Variants in SUCLG2 observed in about 807,000 individuals in gnomAD.
SUCLG2 encodes the protein succinate-CoA ligase GDP-forming subunit beta, also known as succinate--CoA ligase [GDP-forming] subunit beta, mitochondrial.
Under a neutral mutation model 47.9 loss-of-function variants are expected in SUCLG2, and 42 were observed. That is an observed-to-expected ratio of 0.88 (90% CI 0.69 to 1.14). The LOEUF (loss-of-function observed/expected upper bound fraction) is 1.14, where lower values mean the gene tolerates loss of function less well. Among genes scored for constraint, SUCLG2 ranks in the 50% most tolerant of loss-of-function variants. SUCLG2 has a pLI of 0.00. For synonymous variants in SUCLG2, 195 were observed against 197.3 expected, an observed-to-expected ratio of 0.99 and a Z score of 0.10; for missense variants, 571 against 525.9, an observed-to-expected ratio of 1.09 and a Z score of -0.84.
At chr3:67,650,423 A>C (rs1250608923) in intron 1 of SUCLG2, among the ~76,000 whole-genome samples, 1 of 152,208 alleles carries the variant, frequency 6.6e-6, no homozygotes, top group Non-Finnish European at 1.5e-5. Flanking sequence ...CCTGGACAGA[A>C]GCTCTGGGCT....
At chr3:67,500,406 C>T (rs545496722) in intron 7 of SUCLG2, among the ~76,000 whole-genome samples, 2 of 152,226 alleles carry the variant, frequency 1.3e-5, no homozygotes, top group East Asian at 1.9e-4. Context: ...TAGCACTGAG[C>T]GACAAGAGAG....
intron 2 of SUCLG2, among the ~76,000 whole-genome samples, chr3:67,558,977 A>G (rs573565040): frequency 6.6e-6 from 1 of 152,356 alleles, no homozygotes; most frequent in South Asian, 2.1e-4. Flanking sequence ...GTGACAAAAA[A>G]TAAAAATCCT....
intron 9 of SUCLG2, among the ~76,000 whole-genome samples, chr3:67,457,048 T>C (rs1056818529): frequency 6.6e-6 from 1 of 152,206 alleles, no homozygotes; most frequent in Non-Finnish European, 1.5e-5. Flanking sequence ...CATCATATAA[T>C]AACATTGTAT....
intron 10 of SUCLG2, among the ~76,000 whole-genome samples, chr3:67,378,827 T>A (rs1162649693): frequency 6.6e-6 from 1 of 152,238 alleles, no homozygotes; most frequent in East Asian, 1.9e-4. Context: ...GATAGCAGGC[T>A]AAGGAATTTA....
chr3:67,404,695 T>C (rs565325091), intron 9 of SUCLG2, among the ~76,000 whole-genome samples: 72 of 152,254 alleles, frequency 4.7e-4, no homozygotes, highest in African/African-American at 1.6e-3. Flanking sequence ...GCTGCAGTCA[T>C]GCACTTTAAT....
At chr3:67,461,769 T>C (rs75019771) in intron 9 of SUCLG2, among the ~76,000 whole-genome samples, 1 of 152,006 alleles carries the variant, frequency 6.6e-6, no homozygotes, top group Middle Eastern at 3.4e-3. Context: ...CCCTGGGAGG[T>C]AGCATGGCCC....
At chr3:67,475,412 G>C (rs527705700) in intron 9 of SUCLG2, among the ~76,000 whole-genome samples, 2 of 152,154 alleles carry the variant, frequency 1.3e-5, no homozygotes, top group Non-Finnish European at 2.9e-5. Flanking sequence ...GATTAAAGGC[G>C]AATCTGTCAC....
chr3:67,627,985 G>C (rs948340633), intron 1 of SUCLG2, among the ~76,000 whole-genome samples: 2 of 152,180 alleles, frequency 1.3e-5, no homozygotes, highest in South Asian at 2.1e-4. Context: ...GTTTTAGTTA[G>C]TGGTGGTTTT....
chr3:67,591,591 AT>A (rs1378397713), intron 2 of SUCLG2, among the ~76,000 whole-genome samples: 2 of 151,570 alleles, frequency 1.3e-5, no homozygotes, highest in South Asian at 2.1e-4. Context: ...CTTCTTCCTC[AT>A]TTTTCTCTTG....
chr3:67,610,462 C>T (rs1361078456), intron 1 of SUCLG2, among the ~76,000 whole-genome samples: 1 of 149,482 alleles, frequency 6.7e-6, no homozygotes, highest in Non-Finnish European at 1.5e-5. Context: ...CCAATAATAT[C>T]AACAGTATTC....
intron 2 of SUCLG2, among the ~76,000 whole-genome samples, chr3:67,598,404 G>C (rs1011271377): frequency 6.6e-6 from 1 of 152,170 alleles, no homozygotes; most frequent in Admixed American, 6.5e-5. Flanking sequence ...ACAACTTTGA[G>C]AGTAAAAGGG....
chr3:67,576,686 C>G (rs528365125), intron 2 of SUCLG2, among the ~76,000 whole-genome samples: 86 of 152,284 alleles, frequency 5.6e-4, no homozygotes, highest in African/African-American at 2.0e-3. Flanking sequence ...CTGAGTGCCA[C>G]ATTTTTCCCA....
At chr3:67,607,730 G>A (rs1222106909) in intron 2 of SUCLG2, among the ~76,000 whole-genome samples, 2 of 152,154 alleles carry the variant, frequency 1.3e-5, no homozygotes, top group Non-Finnish European at 2.9e-5. Context: ...GGGGCCAGGG[G>A]GAGATAACTG....
At chr3:67,650,425 C>G (rs1224895387) in intron 1 of SUCLG2, among the ~76,000 whole-genome samples, 1 of 152,206 alleles carries the variant, frequency 6.6e-6, no homozygotes, top group Non-Finnish European at 1.5e-5. Flanking sequence ...TGGACAGAAG[C>G]TCTGGGCTGC....
chr3:67,613,821 G>T (rs574463799), intron 1 of SUCLG2, among the ~76,000 whole-genome samples: 1 of 152,232 alleles, frequency 6.6e-6, no homozygotes, highest in Admixed American at 6.5e-5. Flanking sequence ...TAACACTATT[G>T]GTTCCCTGTG....
chr3:67,601,569 A>G (rs1224626628), intron 2 of SUCLG2, among the ~76,000 whole-genome samples: 2 of 152,318 alleles, frequency 1.3e-5, no homozygotes, highest in South Asian at 2.1e-4. Context: ...CAAACTTTAC[A>G]ATGGGGTGAG....
At chr3:67,578,944 G>A (rs1707814166) in intron 2 of SUCLG2, among the ~76,000 whole-genome samples, 1 of 152,152 alleles carries the variant, frequency 6.6e-6, no homozygotes, top group South Asian at 2.1e-4. Context: ...CAGTGTTGCC[G>A]CTCTCTAAGA....
At chr3:67,623,324 C>T (rs1012965384) in intron 1 of SUCLG2, among the ~76,000 whole-genome samples, 5 of 152,010 alleles carry the variant, frequency 3.3e-5, no homozygotes, top group Admixed American at 3.3e-4. Flanking sequence ...TACAGTGAAA[C>T]CCCATCTCTA....
chr3:67,634,477 T>C (rs1700976375), intron 1 of SUCLG2, among the ~76,000 whole-genome samples: 1 of 152,226 alleles, frequency 6.6e-6, no homozygotes, highest in African/African-American at 2.4e-5. Context: ...GCAAACAAAG[T>C]CAACTATTAG....
Sources: allele counts gnomAD v4.1 joint callset (sites outside exome capture counted in the v4.1 genomes callset), GRCh38; gene constraint gnomAD v4.1.1; transcripts MANE v1.5; gene names NCBI Gene and HGNC (gene_info 2026-07-23, HGNC 2026-07-21).